Variants in PTGFR observed in about 807,000 individuals in gnomAD.
The protein encoded by PTGFR is prostaglandin F2-alpha receptor.
PTGFR carries 15 observed loss-of-function variants against 26.2 expected under a neutral mutation model. The ratio of observed to expected loss-of-function variants is 0.57; its 90% CI spans 0.38 to 0.88. The LOEUF (loss-of-function observed/expected upper bound fraction) is 0.88, where lower values mean the gene tolerates loss of function less well. Ranked by LOEUF, PTGFR falls within the 40% of genes least tolerant of loss-of-function variation. The probability of loss-of-function intolerance (pLI) is 0.00; values close to 1 mark genes in which losing one functional copy is unlikely to be tolerated. For synonymous variants in PTGFR, 165 were observed against 151.1 expected, an observed-to-expected ratio of 1.09 and a Z score of -0.68; for missense variants, 369 against 427.2, an observed-to-expected ratio of 0.86 and a Z score of 1.20.
intron 2 of PTGFR, among the ~76,000 whole-genome samples, chr1:78,509,542 T>C (rs1241731351): frequency 6.6e-6 from 1 of 152,222 alleles, no homozygotes; most frequent in Non-Finnish European, 1.5e-5. Flanking sequence ...GCAACTGATA[T>C]CTCTCTCATT....
chr1:78,524,906 ATTTTTTTTTTTTTT>A (rs35641651), intron 2 of PTGFR, among the ~76,000 whole-genome samples: 38 of 70,524 alleles, frequency 5.4e-4, no homozygotes, highest in South Asian at 4.6e-3. Flanking sequence ...CAAATGCAAG[ATTTTTTTTTTTTTT>A]TTTTTTTTTT....
At position 78,518,567 on chromosome 1, in the gene PTGFR, GACACACACACACACACACACACACAC is replaced by G. The variant is rs57447321; in HGVS notation, c.799-17811_799-17786del. Among the ~76,000 whole-genome samples the G allele has an allele frequency of 1.4e-4, 19 of 137,956 alleles. No individual in the cohort carries two copies. The East Asian group carries it at 1.5e-3, about 11-fold the overall frequency. The allele number at this position is 137,956 out of a possible 152,430, so 90.5% of individuals were successfully genotyped here. On this transcript the variant is annotated intron_variant, in intron 2 of 2. Transcript: ENST00000370757. ...CAGCATTTGTCATTACAGTATAAAA[GACACACACACACACACACACACACAC>G]ACACACACACACACACACACACACA...
intron 2 of PTGFR, among the ~76,000 whole-genome samples, chr1:78,535,931 T>G (rs1040185807): frequency 1.3e-5 from 2 of 152,142 alleles, no homozygotes; most frequent in Non-Finnish European, 2.9e-5. Context: ...TCCTTGTAGT[T>G]AAGAAGCAGA....
intron 2 of PTGFR, among the ~76,000 whole-genome samples, chr1:78,501,690 T>G (rs908125850): frequency 1.3e-5 from 2 of 152,164 alleles, no homozygotes; most frequent in African/African-American, 4.8e-5. Context: ...TTTTTGTGCA[T>G]AGTCCCAAGT....
At chr1:78,502,765 A>G (rs1176956382) in intron 2 of PTGFR, among the ~76,000 whole-genome samples, 1 of 152,192 alleles carries the variant, frequency 6.6e-6, no homozygotes. Flanking sequence ...CATCTAACAT[A>G]TGTCAGGCAC....
intron 2 of PTGFR, among the ~76,000 whole-genome samples, chr1:78,500,136 T>C (rs1323531145): frequency 6.6e-6 from 1 of 152,146 alleles, no homozygotes; most frequent in Non-Finnish European, 1.5e-5. Flanking sequence ...AGTAAAGACC[T>C]CCAGATATTG....
chr1:78,503,082 C>G (rs1649748903), intron 2 of PTGFR, among the ~76,000 whole-genome samples: 1 of 151,894 alleles, frequency 6.6e-6, no homozygotes, highest in Non-Finnish European at 1.5e-5. Context: ...GAAAATAATG[C>G]ATATAATTCC....
intron 2 of PTGFR, among the ~76,000 whole-genome samples, chr1:78,496,725 T>C (rs908344698): frequency 2.0e-5 from 3 of 152,202 alleles, no homozygotes; most frequent in African/African-American, 7.2e-5. Flanking sequence ...TCAAAGCTGA[T>C]ACTTTATTAA....
intron 2 of PTGFR, among the ~76,000 whole-genome samples, chr1:78,512,581 AACTC>A (rs777385903): frequency 6.6e-6 from 1 of 152,184 alleles, no homozygotes; most frequent in South Asian, 2.1e-4. Flanking sequence ...TCAGAGGGAT[AACTC>A]ACTCATTATT....
intron 2 of PTGFR, among the ~76,000 whole-genome samples, chr1:78,514,543 C>A (rs1186514685): frequency 1.3e-5 from 2 of 152,086 alleles, no homozygotes; most frequent in Admixed American, 6.6e-5. Flanking sequence ...GAAAGAAACT[C>A]ATCTCCAGAT....
intron 2 of PTGFR, among the ~76,000 whole-genome samples, chr1:78,534,724 A>C (rs1033855346): frequency 1.3e-5 from 2 of 152,070 alleles, no homozygotes; most frequent in Non-Finnish European, 2.9e-5. Context: ...GGAATCACAC[A>C]ATCAATACAG....
chr1:78,540,265 T>A lies in PTGFR; in HGVS notation c.*3578T>A, dbSNP rs1650763859. On this transcript the variant is annotated 3_prime_UTR_variant, in exon 3 of 3. Coordinates refer to ENST00000370757, the MANE Select transcript of PTGFR (RefSeq NM_000959.4). ...CATACACTTCTCCAGCTAACATAAA[T>A]AATGTGGCTTTACTAACTTCCCAGG... Among the ~76,000 whole-genome samples the A allele has an allele frequency of 6.6e-6, 1 of 152,096 alleles. No individual in the cohort carries two copies. The highest frequency in any genetic ancestry group is 2.4e-5 in the African/African-American group (1 of 41,434).
intron 2 of PTGFR, among the ~76,000 whole-genome samples, chr1:78,504,289 G>A (rs1345762157): frequency 1.3e-5 from 2 of 152,006 alleles, no homozygotes; most frequent in African/African-American, 4.8e-5. Flanking sequence ...TTAGTATTCT[G>A]GGTGCATCTA....
chr1:78,528,410 T>C (rs916560522), intron 2 of PTGFR, among the ~76,000 whole-genome samples: 1 of 150,196 alleles, frequency 6.7e-6, no homozygotes, highest in Non-Finnish European at 1.5e-5. Flanking sequence ...TTTAGTGAAA[T>C]TGACTGGATC....
At chr1:78,524,771 TAGAC>T (rs1650327813) in intron 2 of PTGFR, among the ~76,000 whole-genome samples, 1 of 152,022 alleles carries the variant, frequency 6.6e-6, no homozygotes, top group Non-Finnish European at 1.5e-5. Context: ...AAGAACAAAT[TAGAC>T]TACACAATTT....
chr1:78,519,404 C>G (rs12065392), intron 2 of PTGFR, among the ~76,000 whole-genome samples: 32 of 152,182 alleles, frequency 2.1e-4, no homozygotes, highest in African/African-American at 7.5e-4. Flanking sequence ...ATATTTTTGA[C>G]TCTATCACTG....
chr1:78,493,397 G>T lies in PTGFR; in HGVS notation c.654G>T (p.Leu218Phe), dbSNP rs1466382831. ...LGLLALGVSL[L>F]CNAITGITLL... ...TCTTAGCCCTTGGTGTTTCATTGTT[G>T]TGCAATGCAATCACAGGAATTACAC... The change falls in exon 2 of 3, where the codon TTG (leucine) becomes TTT (phenylalanine). Residue 218 changes from leucine (L) to phenylalanine (F), a missense_variant. Leu to Phe is a conservative substitution (Grantham distance 22, BLOSUM62 0). Coordinates refer to ENST00000370757, the MANE Select transcript of PTGFR (RefSeq NM_000959.4). 1.2e-6 allele frequency: 2 copies of T among 1,613,662 alleles called. No homozygotes were observed.
chr1:78,512,699 T>C lies in PTGFR; in HGVS notation c.798+19158T>C, dbSNP rs186515143. 3.0e-3 allele frequency among the ~76,000 whole-genome samples: 455 copies of C among 152,292 alleles called. 5 individuals are homozygous for C. Among genetic ancestry groups the C allele is most frequent in the African/African-American group, 0.011 (442 of 41,562 alleles). ...TTGGGTGATATGGTTCAGATGTTTTTTCCTTCCAAATCTCATGTTAAAATG... is the reference window on the plus strand; with the variant it reads ...TTGGGTGATATGGTTCAGATGTTTTCTCCTTCCAAATCTCATGTTAAAATG... On this transcript the variant is annotated intron_variant, in intron 2 of 2. Transcript: ENST00000370757.
rs35641651 is a variant in PTGFR at position 78,524,906 on chromosome 1, ATTTTTTTTTTTTTTT to A, written c.799-11480_799-11466del. Reference sequence around the variant, plus strand: ...GCTCTACACTTTGGACAAATGCAAGATTTTTTTTTTTTTTTTTTTTTTTTTTTTTTTTTTACTGTT... The same window carrying A: ...GCTCTACACTTTGGACAAATGCAAGATTTTTTTTTTTTTTTTTTTACTGTT... On this transcript the variant is annotated intron_variant, in intron 2 of 2. Coordinates refer to ENST00000370757, the MANE Select transcript of PTGFR (RefSeq NM_000959.4). 1.7e-4 allele frequency among the ~76,000 whole-genome samples: 12 copies of A among 70,524 alleles called. 1 individual carries two copies. Among genetic ancestry groups the A allele is most frequent in the East Asian group, 1.0e-3 (2 of 1,918 alleles). 46.3% of individuals were successfully genotyped at this position (70,524 alleles called of 152,430 possible). A position where few individuals can be genotyped will look rare whatever the true frequency, so the allele number is the denominator to read the frequency against.
Sources: allele counts gnomAD v4.1 joint callset (sites outside exome capture counted in the v4.1 genomes callset), GRCh38; gene constraint gnomAD v4.1.1; transcripts MANE v1.5; gene names NCBI Gene and HGNC (gene_info 2026-07-23, HGNC 2026-07-21).